GALK2: variants seen among roughly 807,000 people sequenced by gnomAD.
GALK2 encodes the protein N-acetylgalactosamine kinase.
In GALK2, 36 loss-of-function variants were observed where a neutral mutation model predicts 52.4. The ratio of observed to expected loss-of-function variants is 0.69; its 90% CI spans 0.53 to 0.91. The LOEUF (loss-of-function observed/expected upper bound fraction) is 0.91, where lower values mean the gene tolerates loss of function less well. Ranked by LOEUF, GALK2 falls within the 40% of genes least tolerant of loss-of-function variation. GALK2 has a pLI of 0.00. For missense variants in GALK2, 579 were observed against 559.1 expected (o/e 1.04, Z -0.36); for synonymous variants, 176 against 199.1 (o/e 0.88, Z 0.98).
At chr15:49,204,283 T>C (rs1308956168) in intron 2 of GALK2, among the ~76,000 whole-genome samples, 1 of 151,780 alleles carries the variant, frequency 6.6e-6, no homozygotes, top group African/African-American at 2.4e-5. Context: ...TTTCTTCTTC[T>C]TCTTCTTCTT....
At chr15:49,185,117 A>G (rs968276276) in intron 1 of GALK2, among the ~76,000 whole-genome samples, 2 of 152,116 alleles carry the variant, frequency 1.3e-5, no homozygotes, top group African/African-American at 2.4e-5. Context: ...TTTTCAACCC[A>G]TACCCCACTC....
At chr15:49,353,279 G>A (rs557041701) in intron 3 of GALK2, among the ~76,000 whole-genome samples, 1 of 152,104 alleles carries the variant, frequency 6.6e-6, no homozygotes, top group African/African-American at 2.4e-5. Context: ...TACTGCTGAA[G>A]AGTCCTCTTC....
chr15:49,212,414 G>A (rs763855910), intron 2 of GALK2, among the ~76,000 whole-genome samples: 3 of 152,050 alleles, frequency 2.0e-5, no homozygotes, highest in Non-Finnish European at 2.9e-5. Context: ...ACTTAGTGTG[G>A]CTAAAGGTTT....
chr15:49,178,233 A>ATAG (rs2085652445), intron 1 of GALK2: 1 of 108,074 alleles, frequency 9.3e-6, no homozygotes, highest in Non-Finnish European at 1.9e-5. Flanking sequence ...ATATAGAAAT[A>ATAG]AAATGTATAA....
At chr15:49,287,448 A>T (rs1019390553) in intron 7 of GALK2, among the ~76,000 whole-genome samples, 1 of 152,216 alleles carries the variant, frequency 6.6e-6, no homozygotes, top group African/African-American at 2.4e-5. Context: ...CACTTTACTC[A>T]GAGATATTGA....
At chr15:49,335,038 C>G (rs2039457883), downstream of GALK2, among the ~76,000 whole-genome samples, 1 of 152,212 alleles carries the variant, frequency 6.6e-6, no homozygotes, top group African/African-American at 2.4e-5. Context: ...TTGCTTGACA[C>G]CAGCCCAGCT....
chr15:49,328,459 T>G lies in GALK2; in HGVS notation c.*300T>G. The G allele has an allele frequency of 6.6e-7, 1 of 1,511,428 alleles. No homozygotes were observed. The highest frequency in any genetic ancestry group is 8.8e-7 in the Non-Finnish European group (1 of 1,130,446). The allele number at this position is 1,511,428 out of a possible 1,614,324, so 93.6% of individuals were successfully genotyped here. A position where few individuals can be genotyped will look rare whatever the true frequency, so the allele number is the denominator to read the frequency against. On this transcript the variant is annotated 3_prime_UTR_variant, in exon 10 of 10. Transcript: ENST00000560031. ...TAAAGATGAATGGTAAAACACACTC[T>G]TAATACTGATTACATGGATTGGACT... is the stretch of plus-strand genomic sequence containing the variant.
chr15:49,310,551 ATTT>A (rs1278807642), intron 8 of GALK2, among the ~76,000 whole-genome samples: 1 of 151,858 alleles, frequency 6.6e-6, no homozygotes, highest in Non-Finnish European at 1.5e-5. Flanking sequence ...ATCACTTGTT[ATTT>A]TTTTGTCTTT....
chr15:49,276,945 TGTTTCTAGTTTCTTTTTTTC>T (rs2031784731), intron 5 of GALK2, among the ~76,000 whole-genome samples: 3 of 143,392 alleles, frequency 2.1e-5, no homozygotes, highest in South Asian at 2.2e-4. Context: ...TTTAACCTTT[TGTTTCTAGTTTCTTTTTTTC>T]TTTTCTTTTT....
chr15:49,288,920 A>C lies in GALK2; in HGVS notation c.757-3407A>C, dbSNP rs552974091. Among the ~76,000 whole-genome samples, 3 of 152,276 alleles carry C rather than the reference A, an allele frequency of 2.0e-5. No homozygotes were observed. The East Asian group carries it at 5.8e-4, about 29-fold the overall frequency. On this transcript the variant is annotated intron_variant, in intron 7 of 9. Coordinates refer to ENST00000560031, the MANE Select transcript of GALK2 (RefSeq NM_002044.4). Reference sequence around the variant, plus strand: ...GAGATGTGAGAGAAGCTCTGACTGGACCTAGTAAGGGTTGGGTACAGGCTC... The same window carrying C: ...GAGATGTGAGAGAAGCTCTGACTGGCCCTAGTAAGGGTTGGGTACAGGCTC...
chr15:49,286,210 G>A (rs1477146590), intron 7 of GALK2, among the ~76,000 whole-genome samples: 2 of 152,196 alleles, frequency 1.3e-5, no homozygotes, highest in Non-Finnish European at 2.9e-5. Flanking sequence ...TTACCTGAGA[G>A]CTGAGGCTGT....
intron 8 of GALK2, among the ~76,000 whole-genome samples, chr15:49,312,760 C>T (rs1043285585): frequency 6.6e-6 from 1 of 152,176 alleles, no homozygotes; most frequent in Non-Finnish European, 1.5e-5. Context: ...TGAGAGCTGT[C>T]TTCAGATATC....
intron 5 of GALK2, among the ~76,000 whole-genome samples, chr15:49,269,075 A>T (rs528190148): frequency 6.6e-6 from 1 of 152,270 alleles, no homozygotes; most frequent in African/African-American, 2.4e-5. Flanking sequence ...GGAGAAAGAG[A>T]TTACAATCAT....
intron 5 of GALK2, among the ~76,000 whole-genome samples, chr15:49,264,674 C>G (rs867806428): frequency 3.9e-5 from 6 of 152,094 alleles, no homozygotes; most frequent in African/African-American, 1.4e-4. Flanking sequence ...TCCAGTTTTT[C>G]TGTTCTGTTT....
chr15:49,207,117 C>G (rs1298630127), intron 2 of GALK2, among the ~76,000 whole-genome samples: 1 of 152,124 alleles, frequency 6.6e-6, no homozygotes, highest in Non-Finnish European at 1.5e-5. Context: ...GTTTTCTATT[C>G]TGTTTATGTG....
At chr15:49,187,347 A>T (rs1291433018) in intron 1 of GALK2, among the ~76,000 whole-genome samples, 2 of 152,198 alleles carry the variant, frequency 1.3e-5, no homozygotes, top group South Asian at 2.1e-4. Flanking sequence ...ACACAAGTAG[A>T]CTTGTGGCCA....
At chr15:49,203,814 T>C (rs566510621) in intron 2 of GALK2, among the ~76,000 whole-genome samples, 2 of 152,296 alleles carry the variant, frequency 1.3e-5, no homozygotes, top group South Asian at 2.1e-4. Context: ...AGTAACTTTG[T>C]TGAAAATCAT....
At chr15:49,284,203 G>A (rs756036298) in intron 7 of GALK2, among the ~76,000 whole-genome samples, 26 of 152,118 alleles carry the variant, frequency 1.7e-4, no homozygotes, top group Non-Finnish European at 3.5e-4. Flanking sequence ...AACCAGCAGG[G>A]AGTCTTGGAA....
downstream of GALK2, chr15:49,334,397 C>G (rs1304833230): frequency 5.1e-6 from 1 of 195,400 alleles, no homozygotes; most frequent in Non-Finnish European, 9.3e-6. Flanking sequence ...AGTAAAAGCC[C>G]TCTACAAACC....
Sources: allele counts gnomAD v4.1 joint callset (sites outside exome capture counted in the v4.1 genomes callset), GRCh38; gene constraint gnomAD v4.1.1; transcripts MANE v1.5; gene names NCBI Gene and HGNC (gene_info 2026-07-23, HGNC 2026-07-21).